The following ADAM17 variants were observed in gnomAD, a reference collection of about 807,000 sequenced individuals.
ADAM17 encodes the protein ADAM metallopeptidase domain 17.
ADAM17 carries 39 observed loss-of-function variants against 96.7 expected under a neutral mutation model. The observed-to-expected ratio is 0.40, with a 90% CI of 0.31 to 0.53. ADAM17 has a LOEUF of 0.53. Among genes scored for constraint, ADAM17 ranks in the 20% least tolerant of loss-of-function variants. The pLI, the probability that ADAM17 is intolerant of heterozygous loss-of-function variation, is 0.44. For missense variants in ADAM17, 777 were observed against 1,013.2 expected, an observed-to-expected ratio of 0.77 and a Z score of 3.17; for synonymous variants, 344 against 359.2, an observed-to-expected ratio of 0.96 and a Z score of 0.48.
chr2:9,554,263 T>C (rs1665673425), intron 1 of ADAM17, among the ~76,000 whole-genome samples: 1 of 152,206 alleles, frequency 6.6e-6, no homozygotes, highest in African/African-American at 2.4e-5. Flanking sequence ...TACATATTTA[T>C]TCTTTTTACT....
At chr2:9,502,406 ACAT>A in intron 12 of ADAM17, 130 bp from the exon 13 acceptor site, 2 of 691,806 alleles carry the variant, frequency 2.9e-6, no homozygotes, top group South Asian at 3.5e-5. Flanking sequence ...ACCCACTCCT[ACAT>A]CATCAGACAT....
intron 2 of ADAM17, among the ~76,000 whole-genome samples, chr2:9,538,180 T>C (rs1189702082): frequency 6.6e-6 from 1 of 152,180 alleles, no homozygotes; most frequent in South Asian, 2.1e-4. Context: ...AAGTATTATT[T>C]ATAGTCTTTC....
intron 1 of ADAM17, among the ~76,000 whole-genome samples, chr2:9,551,339 A>G (rs1191175679): frequency 6.6e-6 from 1 of 152,182 alleles, no homozygotes; most frequent in Non-Finnish European, 1.5e-5. Flanking sequence ...CTTATCCAAA[A>G]TGCTTGAGAC....
chr2:9,518,719 T>C lies in ADAM17; in HGVS notation c.958-472A>G, dbSNP rs140499569. Reference sequence around the variant, plus strand: ...TGTCATTTATATAAATATACACTTATAGAAAAGCATACATACCCAGTTTTA... The same window carrying C: ...TGTCATTTATATAAATATACACTTACAGAAAAGCATACATACCCAGTTTTA... On this transcript the variant is annotated intron_variant, in intron 8 of 18. Transcript: ENST00000310823. 5.4e-3 allele frequency among the ~76,000 whole-genome samples: 827 copies of C among 152,292 alleles called. 3 individuals carry two copies. The highest frequency in any genetic ancestry group is 8.7e-3 in the Non-Finnish European group (591 of 68,016).
rs80277522 is a variant in ADAM17, at chr2:9,540,033, T to C, written c.230+3120A>G. On this transcript the variant is annotated intron_variant, in intron 2 of 18. Transcript: ENST00000310823. Reference sequence around the variant, plus strand: ...CCTGCTTTCTTACACAGAGAAAAGATAACAAGTGGCTACGATTTAATATTT... The same window carrying C: ...CCTGCTTTCTTACACAGAGAAAAGACAACAAGTGGCTACGATTTAATATTT... 7.3e-3 allele frequency among the ~76,000 whole-genome samples: 1,108 copies of C among 152,286 alleles called. 9 individuals carry two copies. The highest frequency in any genetic ancestry group is 0.013 in the Admixed American group (204 of 15,294).
chr2:9,545,431 A>G (rs1665367029), intron 1 of ADAM17, among the ~76,000 whole-genome samples: 1 of 152,124 alleles, frequency 6.6e-6, no homozygotes, highest in Non-Finnish European at 1.5e-5. Context: ...TTAGCTGGGC[A>G]TGGCAGCAGA....
At chr2:9,495,591 G>A (rs1288282556) in intron 14 of ADAM17, among the ~76,000 whole-genome samples, 3 of 151,894 alleles carry the variant, frequency 2.0e-5, no homozygotes, top group African/African-American at 4.8e-5. Context: ...GTGCTTGCCT[G>A]TAGTCCCAGC....
rs1407321840 is a variant in ADAM17 at position 9,518,263 on chromosome 2, A to C, written c.958-16T>G. On this transcript the variant is annotated splice_polypyrimidine_tract_variant and intron_variant, in intron 8 of 18. Transcript: ENST00000310823. ...AGCTAAATTGCTTTGAAAGACCAAA[A>C]AAAAAAAAAAAAAAAAAAGCATTCT... The C allele has an allele frequency of 1.5e-6, 2 of 1,315,634 alleles. No individual in the cohort carries two copies. Among genetic ancestry groups the C allele is most frequent in the Non-Finnish European group, 2.0e-6 (2 of 990,778 alleles). The allele number at this position is 1,315,634 out of a possible 1,614,324, so 81.5% of individuals were successfully genotyped here.
At chr2:9,537,887 GA>G (rs1665031030) in intron 2 of ADAM17, among the ~76,000 whole-genome samples, 1 of 78,158 alleles carries the variant, frequency 1.3e-5, no homozygotes. Context: ...GAGGGGAGGG[GA>G]GGGGAGGGGA....
chr2:9,495,462 C>T (rs1426894398), intron 14 of ADAM17, among the ~76,000 whole-genome samples: 2 of 152,194 alleles, frequency 1.3e-5, no homozygotes, highest in African/African-American at 2.4e-5. Context: ...CTTGTAATCC[C>T]AGCACTTTGG....
At chr2:9,536,299 A>G (rs550289987) in intron 3 of ADAM17, among the ~76,000 whole-genome samples, 58 of 152,264 alleles carry the variant, frequency 3.8e-4, no homozygotes, top group African/African-American at 1.4e-3. Context: ...TTGCAGAAAA[A>G]GGTCAAAAAG....
chr2:9,488,495 G>A lies in ADAM17; in HGVS notation c.*1682C>T, dbSNP rs903959440. 74 of 508,390 alleles carry A rather than the reference G, an allele frequency of 1.5e-4. No individual in the cohort carries two copies. Among genetic ancestry groups the A allele is most frequent in the African/African-American group, 1.4e-3 (70 of 51,194 alleles). The allele number at this position is 508,390 out of a possible 1,614,324, so 31.5% of individuals were successfully genotyped here. ...TTTATACTTAGGTCCATTGTGTTTC[G>A]ACAGTATTTATTAATGCAGATATCA... On this transcript the variant is annotated 3_prime_UTR_variant, in exon 19 of 19. Coordinates refer to ENST00000310823, the MANE Select transcript of ADAM17 (RefSeq NM_003183.6).
chr2:9,546,812 C>T (rs764887713), intron 1 of ADAM17, among the ~76,000 whole-genome samples: 21 of 146,534 alleles, frequency 1.4e-4, no homozygotes, highest in Admixed American at 1.4e-4. Context: ...TGGGTTCAAG[C>T]GATTCTCCTG....
chr2:9,535,916 G>A lies in ADAM17; in HGVS notation c.368C>T (p.Pro123Leu). Residue 123 changes from proline to leucine, a missense_variant, in exon 4 of 19, where the codon CCT (proline) becomes CTT (leucine). By Grantham distance (98) the Pro-to-Leu change is moderately conservative. Around this residue, in one of 3 missense-constraint regions of ADAM17, gnomAD observed 446 missense variants for 664.7 expected, o/e 0.67. Coordinates refer to ENST00000310823, the MANE Select transcript of ADAM17 (RefSeq NM_003183.6). ...TATGTGGGCTAGAACCCTAGAGTCAGGCTCACCTTAAGAGAAAAAAAAAAT... is the reference window on the plus strand; with the variant it reads ...TATGTGGGCTAGAACCCTAGAGTCAAGCTCACCTTAAGAGAAAAAAAAAAT... ...DFFTGHVVGE[P>L]DSRVLAHIRD... The A allele has an allele frequency of 6.4e-7, 1 of 1,562,460 alleles. No homozygotes were observed. Among genetic ancestry groups the A allele is most frequent in the South Asian group, 1.3e-5 (1 of 79,928 alleles).
At chr2:9,547,837 C>A (rs1005263261) in intron 1 of ADAM17, among the ~76,000 whole-genome samples, 1 of 152,020 alleles carries the variant, frequency 6.6e-6, no homozygotes. Flanking sequence ...ATCGCTTGAG[C>A]CCCAGGAGTT....
intron 10 of ADAM17, among the ~76,000 whole-genome samples, chr2:9,514,518 A>AATATATATATATATATAT (rs70948826): frequency 7.8e-5 from 7 of 89,852 alleles, no homozygotes; most frequent in East Asian, 1.1e-3. Context: ...TTAAAATATA[A>AATATATATATATATATAT]ATATATATAT....
intron 12 of ADAM17, among the ~76,000 whole-genome samples, chr2:9,504,796 T>C (rs918117211): frequency 3.3e-5 from 5 of 151,658 alleles, no homozygotes; most frequent in African/African-American, 9.7e-5. Context: ...CTTTTAACTA[T>C]AGGACTGCTA....
At position 9,505,382 on chromosome 2, in the gene ADAM17, C is replaced by T; in HGVS notation, c.1345-17G>A. ...TGAAAACATCTTGAGAGAAAAAAGG[C>T]AATAAGGACCCAAAATAATATCATA... On this transcript the variant is annotated splice_polypyrimidine_tract_variant and intron_variant, in intron 11 of 18. Transcript: ENST00000310823. 6.3e-7 allele frequency: 1 copy of T among 1,593,720 alleles called. No homozygotes were observed. The highest frequency in any genetic ancestry group is 8.6e-7 in the Non-Finnish European group (1 of 1,161,618).
At chr2:9,494,598 A>G in intron 15 of ADAM17, 39 bp downstream of exon 15, 3 of 1,605,984 alleles carry the variant, frequency 1.9e-6, no homozygotes, top group Non-Finnish European at 2.5e-6. Context: ...AAAACTTCCT[A>G]TCTGGCTGTT....
Sources: gnomAD v4.1 joint callset for allele counts (sites outside exome capture counted in the v4.1 genomes callset) on GRCh38, gnomAD v4.1.1 for gene constraint, gnomAD v4.1.1 regional missense constraint, MANE v1.5 for transcripts, NCBI Gene and HGNC (gene_info 2026-07-23, HGNC 2026-07-21) for gene names.